NPFFR2: variants seen among roughly 807,000 people sequenced by gnomAD.
NPFFR2 encodes the protein G-protein coupled receptor 74.
In NPFFR2, 15 loss-of-function variants were observed where a neutral mutation model predicts 13.1. That is an observed-to-expected ratio of 1.15 (90% CI 0.77 to 1.76). NPFFR2 has a LOEUF of 1.76. Among genes scored for constraint, NPFFR2 ranks in the 40% most tolerant of loss-of-function variants. The pLI, the probability that NPFFR2 is intolerant of heterozygous loss-of-function variation, is 0.00. For synonymous variants in NPFFR2, 190 were observed against 175.7 expected, an observed-to-expected ratio of 1.08 and a Z score of -0.65; for missense variants, 572 against 503.5, an observed-to-expected ratio of 1.14 and a Z score of -1.30.
At chr4:72,091,560 G>A (rs1158333048) in intron 1 of NPFFR2, among the ~76,000 whole-genome samples, 2 of 152,036 alleles carry the variant, frequency 1.3e-5, no homozygotes, top group Admixed American at 6.6e-5. Flanking sequence ...GTTTAATCTA[G>A]GAGGGTTGTA....
chr4:72,073,228 A>G (rs1475180129), intron 1 of NPFFR2, among the ~76,000 whole-genome samples: 4 of 152,042 alleles, frequency 2.6e-5, no homozygotes, highest in African/African-American at 9.7e-5. Flanking sequence ...CACCAAGAAT[A>G]AGTGCTTTAG....
chr4:72,116,274 A>G (rs1032241561), intron 1 of NPFFR2, among the ~76,000 whole-genome samples: 1 of 152,106 alleles, frequency 6.6e-6, no homozygotes, highest in African/African-American at 2.4e-5. Flanking sequence ...CTATACTATT[A>G]AGTAGAATTC....
chr4:72,123,613 G>A (rs938335841), intron 1 of NPFFR2, among the ~76,000 whole-genome samples: 18 of 152,128 alleles, frequency 1.2e-4, no homozygotes, highest in African/African-American at 4.3e-4. Flanking sequence ...TTCAAAATAT[G>A]TAAATCAATC....
chr4:72,076,014 G>C (rs1184909140), intron 1 of NPFFR2, among the ~76,000 whole-genome samples: 670 of 9,318 alleles, frequency 0.072, 14 homozygotes, highest in Admixed American at 0.11. Context: ...CACAGAGAGA[G>C]AGAGAGGGCA....
intron 1 of NPFFR2, among the ~76,000 whole-genome samples, chr4:72,077,688 C>T (rs1720487182): frequency 6.6e-6 from 1 of 152,096 alleles, no homozygotes; most frequent in Admixed American, 6.6e-5. Flanking sequence ...ATAAGAGCTT[C>T]ATCAGAAACT....
intron 1 of NPFFR2, among the ~76,000 whole-genome samples, chr4:72,124,805 A>C (rs1371723592): frequency 2.0e-5 from 3 of 152,172 alleles, no homozygotes; most frequent in African/African-American, 7.2e-5. Flanking sequence ...GTAAGACCTA[A>C]AACCATAAAA....
intron 1 of NPFFR2, among the ~76,000 whole-genome samples, chr4:72,074,975 A>G (rs1043936725): frequency 4.0e-5 from 6 of 151,772 alleles, no homozygotes; most frequent in East Asian, 3.9e-4. Flanking sequence ...GACAATATAA[A>G]TATGTTTATT....
intron 1 of NPFFR2, among the ~76,000 whole-genome samples, chr4:72,051,602 A>G (rs966942622): frequency 6.6e-6 from 1 of 151,236 alleles, no homozygotes; most frequent in Non-Finnish European, 1.5e-5. Flanking sequence ...AGCAAGAGCA[A>G]ACACATTCAA....
At chr4:72,044,630 A>G (rs1427150922) in intron 1 of NPFFR2, among the ~76,000 whole-genome samples, 1 of 151,474 alleles carries the variant, frequency 6.6e-6, no homozygotes, top group East Asian at 1.9e-4. Flanking sequence ...TTTGATTTGC[A>G]TTTTCCTGAT....
intron 1 of NPFFR2, among the ~76,000 whole-genome samples, chr4:72,111,024 G>A (rs538821303): frequency 2.0e-5 from 3 of 152,008 alleles, no homozygotes; most frequent in East Asian, 1.9e-4. Context: ...TTCTGTAAGC[G>A]ATAATTTTTT....
At chr4:72,140,596 A>C (rs2203304) in intron 3 of NPFFR2, among the ~76,000 whole-genome samples, 151,314 of 152,288 alleles carry the variant, frequency 0.99, 75,180 homozygotes, top group East Asian at 1. Flanking sequence ...GCCTTGCATC[A>C]CAGGGATGAA....
intron 1 of NPFFR2, among the ~76,000 whole-genome samples, chr4:72,080,224 G>T (rs192320241): frequency 6.6e-6 from 1 of 151,774 alleles, no homozygotes; most frequent in African/African-American, 2.4e-5. Context: ...GAGTGCAGTG[G>T]TGCAATCTCC....
At chr4:72,140,013 G>T (rs554997501) in intron 3 of NPFFR2, among the ~76,000 whole-genome samples, 15 of 152,186 alleles carry the variant, frequency 9.9e-5, no homozygotes, top group African/African-American at 3.1e-4. Context: ...TATTCTCTTT[G>T]TAGCAATTGT....
At chr4:72,141,346 G>A (rs1349691287) in intron 3 of NPFFR2, among the ~76,000 whole-genome samples, 1 of 152,112 alleles carries the variant, frequency 6.6e-6, no homozygotes, top group Non-Finnish European at 1.5e-5. Context: ...TTTTAATTGT[G>A]ATGTTAGGGT....
intron 1 of NPFFR2, among the ~76,000 whole-genome samples, chr4:72,045,979 A>AT (rs1310902384): frequency 6.6e-6 from 1 of 152,172 alleles, no homozygotes; most frequent in Non-Finnish European, 1.5e-5. Context: ...ATAAGGAGAT[A>AT]TATATAAAGA....
rs1259562260 is a variant in NPFFR2, at chr4:72,062,022, A to T, written c.-8+29822A>T. 3.3e-5 allele frequency among the ~76,000 whole-genome samples: 5 copies of T among 152,314 alleles called. No individual in the cohort carries two copies. The South Asian group carries it at 6.2e-4, about 19-fold the overall frequency. ...TGAATGTAGAAAATGGTTTTGCAAAAATGCAAATAAAGTGATTAGGCATTG... is the reference window on the plus strand; with the variant it reads ...TGAATGTAGAAAATGGTTTTGCAAATATGCAAATAAAGTGATTAGGCATTG... On this transcript the variant is annotated intron_variant, in intron 1 of 3. Coordinates refer to ENST00000308744, the MANE Select transcript of NPFFR2 (RefSeq NM_004885.3).
At chr4:72,118,339 A>G (rs1193440918) in intron 1 of NPFFR2, among the ~76,000 whole-genome samples, 2 of 152,254 alleles carry the variant, frequency 1.3e-5, no homozygotes, top group South Asian at 2.1e-4. Flanking sequence ...TGGTAAGCAT[A>G]CAATAAATTT....
intron 1 of NPFFR2, among the ~76,000 whole-genome samples, chr4:72,033,090 A>T (rs576257629): frequency 6.6e-6 from 1 of 152,302 alleles, no homozygotes; most frequent in South Asian, 2.1e-4. Context: ...TTCAAGTGGG[A>T]ACTACTAATG....
intron 1 of NPFFR2, among the ~76,000 whole-genome samples, chr4:72,083,412 A>G (rs1466446792): frequency 1.3e-5 from 2 of 152,156 alleles, no homozygotes; most frequent in Admixed American, 1.3e-4. Flanking sequence ...ATTTCATTGT[A>G]GTTTTAATTT....
Sources: allele counts gnomAD v4.1 joint callset (sites outside exome capture counted in the v4.1 genomes callset), GRCh38; gene constraint gnomAD v4.1.1; transcripts MANE v1.5; gene names NCBI Gene and HGNC (gene_info 2026-07-23, HGNC 2026-07-21).